Variants in NCAM2 observed in about 807,000 individuals in gnomAD.
NCAM2 encodes the protein neural cell adhesion molecule 2, also known as N-CAM-2.
Under a neutral mutation model 98.1 loss-of-function variants are expected in NCAM2, and 30 were observed. That is an observed-to-expected ratio of 0.31 (90% CI 0.23 to 0.41). The LOEUF (loss-of-function observed/expected upper bound fraction) is 0.41. Among genes scored for constraint, NCAM2 ranks in the 10% least tolerant of loss-of-function variants. The pLI is 1.00. For synonymous variants in NCAM2, 368 were observed against 342.4 expected, an observed-to-expected ratio of 1.07 and a Z score of -0.83; for missense variants, 867 against 1,005.8, an observed-to-expected ratio of 0.86 and a Z score of 1.87.
chr21:21,027,412 T>C (rs2064573714), intron 1 of NCAM2, among the ~76,000 whole-genome samples: 1 of 152,240 alleles, frequency 6.6e-6, no homozygotes, highest in East Asian at 1.9e-4. Flanking sequence ...CCAGGAACTA[T>C]AAGTTTCATT....
rs1990074443 is a variant in NCAM2, at chr21:21,537,953, C to T, written c.2510C>T (p.Ala837Val). 2 of 1,518,310 alleles carry T rather than the reference C, an allele frequency of 1.3e-6. No homozygotes were observed. Among genetic ancestry groups the T allele is most frequent in the Non-Finnish European group, 1.8e-6 (2 of 1,117,668 alleles). 94.1% of individuals were successfully genotyped at this position (1,518,310 alleles called of 1,614,324 possible). The part of the protein sequence containing the change: ...IIQSKEDDSK[A>V] ...CAATCAAAAGAAGACGACAGCAAAG[C>T]ATAACAACAATATTACAGGGGCTTG... Residue 837 changes from alanine to valine, a missense_variant, in exon 18 of 18, where the codon GCA becomes GTA. Coordinates refer to ENST00000400546, the MANE Select transcript of NCAM2 (RefSeq NM_004540.5).
At chr21:21,405,117 AT>A (rs1277141917) in intron 9 of NCAM2, among the ~76,000 whole-genome samples, 1 of 151,930 alleles carries the variant, frequency 6.6e-6, no homozygotes, top group Non-Finnish European at 1.5e-5. Flanking sequence ...TATACTTACT[AT>A]TTTTAGACTA....
intron 12 of NCAM2, among the ~76,000 whole-genome samples, chr21:21,459,953 T>G (rs1044768292): frequency 6.6e-6 from 1 of 151,936 alleles, no homozygotes; most frequent in Non-Finnish European, 1.5e-5. Flanking sequence ...ACAAACATAT[T>G]AAAAAACTGG....
intron 9 of NCAM2, among the ~76,000 whole-genome samples, chr21:21,374,542 TA>T (rs1226673876): frequency 6.6e-6 from 1 of 151,868 alleles, no homozygotes; most frequent in African/African-American, 2.4e-5. Flanking sequence ...GTTTTTAAAA[TA>T]AATTTAAAAA....
chr21:21,454,589 T>G (rs2146155511), intron 12 of NCAM2, among the ~76,000 whole-genome samples: 1 of 152,074 alleles, frequency 6.6e-6, no homozygotes, highest in African/African-American at 2.4e-5. Context: ...CATTTGTCGG[T>G]TTCAGCAGGA....
chr21:21,128,835 T>C (rs566223695), intron 1 of NCAM2, among the ~76,000 whole-genome samples: 1 of 152,242 alleles, frequency 6.6e-6, no homozygotes, highest in Admixed American at 6.5e-5. Context: ...ATATAATTAT[T>C]ACTATACAAA....
In NCAM2 at chr21:21,508,826, TTTTTTTTTTTTTTTA is replaced by T; in HGVS notation, c.2078-24_2078-10del. ...TTTTTTCCTTTTTTTTTTTTTTTTT[TTTTTTTTTTTTTTTA>T]CTTTTTAAGACACGCTGTTTAATGG... On this transcript the variant is annotated splice_polypyrimidine_tract_variant and intron_variant, in intron 15 of 17. Transcript: ENST00000400546. The T allele has an allele frequency of 9.6e-7, 1 of 1,038,966 alleles. No individual in the cohort carries two copies. Among genetic ancestry groups the T allele is most frequent in the Non-Finnish European group, 1.2e-6 (1 of 817,088 alleles). 64.4% of individuals were successfully genotyped at this position (1,038,966 alleles called of 1,614,324 possible).
intron 2 of NCAM2, 36 bp downstream of exon 2, chr21:21,280,688 T>C (rs1340978411): frequency 1.5e-6 from 2 of 1,340,854 alleles, no homozygotes; most frequent in African/African-American, 3.0e-5. Flanking sequence ...GATAACGTGG[T>C]TTCTGTTAAA....
intron 5 of NCAM2, among the ~76,000 whole-genome samples, chr21:21,312,501 A>C (rs958104382): frequency 6.6e-6 from 1 of 151,674 alleles, no homozygotes; most frequent in South Asian, 2.1e-4. Flanking sequence ...CAATTAATCT[A>C]TCCAACCTAA....
chr21:21,333,808 GA>G (rs1388446451), intron 6 of NCAM2, among the ~76,000 whole-genome samples: 1 of 151,770 alleles, frequency 6.6e-6, no homozygotes, highest in Non-Finnish European at 1.5e-5. Context: ...AAGATATTGA[GA>G]AATATATTGT....
chr21:21,291,704 A>G (rs1406911473), intron 4 of NCAM2, among the ~76,000 whole-genome samples: 1 of 151,724 alleles, frequency 6.6e-6, no homozygotes, highest in African/African-American at 2.4e-5. Flanking sequence ...AAGGATGTTC[A>G]ATAAATTTTC....
intron 1 of NCAM2, among the ~76,000 whole-genome samples, chr21:21,049,305 T>G (rs1264829532): frequency 6.6e-6 from 1 of 152,170 alleles, no homozygotes; most frequent in Non-Finnish European, 1.5e-5. Context: ...TGTATATAAT[T>G]TATATGCTGA....
intron 9 of NCAM2, among the ~76,000 whole-genome samples, chr21:21,388,963 T>C (rs1482710422): frequency 1.3e-5 from 2 of 152,326 alleles, no homozygotes; most frequent in East Asian, 3.9e-4. Flanking sequence ...TTGTATGTAT[T>C]TAAGGGATCC....
At chr21:21,425,081 A>G (rs931844175) in intron 11 of NCAM2, among the ~76,000 whole-genome samples, 14 of 147,616 alleles carry the variant, frequency 9.5e-5, no homozygotes, top group African/African-American at 3.0e-4. Context: ...CATCATGTTT[A>G]CATTCTGTCT....
chr21:21,502,154 G>T (rs762548662), intron 15 of NCAM2, among the ~76,000 whole-genome samples: 16 of 151,878 alleles, frequency 1.1e-4, no homozygotes, highest in Non-Finnish European at 2.2e-4. Flanking sequence ...TTGAATAGAA[G>T]TTAGTGAAAC....
At chr21:21,053,561 T>C (rs1405459883) in intron 1 of NCAM2, among the ~76,000 whole-genome samples, 1 of 151,420 alleles carries the variant, frequency 6.6e-6, no homozygotes, top group Non-Finnish European at 1.5e-5. Flanking sequence ...TGTTTTAATT[T>C]TTGCCATTTA....
intron 1 of NCAM2, among the ~76,000 whole-genome samples, chr21:21,009,918 T>TGTGTGTGTGTG (rs1568923305): frequency 6.6e-6 from 1 of 151,206 alleles, no homozygotes; most frequent in African/African-American, 2.4e-5. Context: ...TGTGTGTGTG[T>TGTGTGTGTGTG]TTTAATGATT....
chr21:21,202,776 ATAAAT>A (rs1018845133), intron 1 of NCAM2, among the ~76,000 whole-genome samples: 1 of 152,258 alleles, frequency 6.6e-6, no homozygotes, highest in Non-Finnish European at 1.5e-5. Flanking sequence ...CTTAAAACAA[ATAAAT>A]TAGGTTAAGT....
At chr21:21,000,615 T>A (rs2064002123) in intron 1 of NCAM2, among the ~76,000 whole-genome samples, 1 of 152,176 alleles carries the variant, frequency 6.6e-6, no homozygotes, top group South Asian at 2.1e-4. Context: ...CCATATTCAC[T>A]GTAATGAAAC....
Sources: gnomAD v4.1 joint callset for allele counts (sites outside exome capture counted in the v4.1 genomes callset) on GRCh38, gnomAD v4.1.1 for gene constraint, MANE v1.5 for transcripts, NCBI Gene and HGNC (gene_info 2026-07-23, HGNC 2026-07-21) for gene names.